The following CNOT4 variants were observed in gnomAD, a reference collection of about 807,000 sequenced individuals.
The protein encoded by CNOT4 is CCR4-NOT transcription complex subunit 4.
A neutral mutation model predicts 73.8 loss-of-function variants in CNOT4; 8 were observed. The observed-to-expected ratio is 0.11, with a 90% CI of 0.06 to 0.20. The LOEUF (loss-of-function observed/expected upper bound fraction) is 0.20, where lower values mean the gene tolerates loss of function less well. Ranked by LOEUF, CNOT4 falls within the 10% of genes least tolerant of loss-of-function variation. CNOT4 has a pLI of 1.00. For synonymous variants in CNOT4, 293 were observed against 321.1 expected, an observed-to-expected ratio of 0.91 and a Z score of 0.94; for missense variants, 564 against 883.4, an observed-to-expected ratio of 0.64 and a Z score of 4.58.
intron 1 of CNOT4, among the ~76,000 whole-genome samples, chr7:135,485,224 C>T (rs773652513): frequency 1.3e-5 from 2 of 152,100 alleles, no homozygotes; most frequent in South Asian, 2.1e-4. Context: ...AGGTGCGTGC[C>T]GCCACACCCA....
intron 10 of CNOT4, among the ~76,000 whole-genome samples, chr7:135,367,523 G>A (rs1341433842): frequency 8.5e-5 from 13 of 152,158 alleles, no homozygotes; most frequent in Non-Finnish European, 1.0e-4. Flanking sequence ...ATAAAAATAA[G>A]AGAAGGAAAT....
At chr7:135,468,107 T>C (rs1428067580) in intron 1 of CNOT4, among the ~76,000 whole-genome samples, 1 of 151,820 alleles carries the variant, frequency 6.6e-6, no homozygotes, top group Admixed American at 6.6e-5. Context: ...TCCCAGCTAC[T>C]TGGGGGGCTG....
chr7:135,480,159 T>G (rs940314845), intron 1 of CNOT4, among the ~76,000 whole-genome samples: 2 of 152,218 alleles, frequency 1.3e-5, no homozygotes, highest in African/African-American at 2.4e-5. Context: ...GATTTTCTGT[T>G]AACAATAATT....
intron 1 of CNOT4, among the ~76,000 whole-genome samples, chr7:135,455,996 A>G (rs1287175068): frequency 6.6e-6 from 1 of 152,234 alleles, no homozygotes; most frequent in Non-Finnish European, 1.5e-5. Context: ...TAAAACCCCC[A>G]TTTAAAAATG....
intron 1 of CNOT4, among the ~76,000 whole-genome samples, chr7:135,452,649 T>G (rs2129485941): frequency 6.6e-6 from 1 of 152,132 alleles, no homozygotes; most frequent in East Asian, 1.9e-4. Flanking sequence ...CTTCCTTTTA[T>G]TTTTCAATCT....
chr7:135,456,575 G>A (rs1800542563), intron 1 of CNOT4, among the ~76,000 whole-genome samples: 1 of 151,860 alleles, frequency 6.6e-6, no homozygotes. Flanking sequence ...CACCTTCTAT[G>A]GATACAAAAA....
intron 1 of CNOT4, among the ~76,000 whole-genome samples, chr7:135,484,526 C>T (rs560997400): frequency 2.0e-5 from 3 of 151,920 alleles, no homozygotes; most frequent in African/African-American, 2.4e-5. Flanking sequence ...AGAGCTGAGT[C>T]GGGCAGATCA....
chr7:135,505,947 T>C (rs1177462019), intron 1 of CNOT4, among the ~76,000 whole-genome samples: 1 of 152,206 alleles, frequency 6.6e-6, no homozygotes. Context: ...GAAGTTCTTT[T>C]AGAAAACCAA....
chr7:135,480,906 T>A (rs866961523), intron 1 of CNOT4, among the ~76,000 whole-genome samples: 2,192 of 99,190 alleles, frequency 0.022, 38 homozygotes, highest in African/African-American at 0.063. Context: ...AAAAAAAAAA[T>A]GAAACTGGAT....
rs1804647572 is a variant in CNOT4, at chr7:135,509,979, T to C, written c.-183A>G. On this transcript the variant is annotated 5_prime_UTR_variant, in exon 1 of 12. Coordinates refer to ENST00000541284, the MANE Select transcript of CNOT4 (RefSeq NM_001190850.2). The stretch of plus-strand genomic sequence containing the variant: ...ACCGAACGAGCGTCGGGGAAAAAAC[T>C]CTTCAGAACCGGGCCTGATTGCTTC... 1 of 398,992 alleles carries C rather than the reference T, an allele frequency of 2.5e-6. No individual in the cohort carries two copies. Among genetic ancestry groups the C allele is most frequent in the Non-Finnish European group, 4.4e-6 (1 of 226,070 alleles). 24.7% of individuals were successfully genotyped at this position (398,992 alleles called of 1,614,324 possible). A position where few individuals can be genotyped will look rare whatever the true frequency, so the allele number is the denominator to read the frequency against.
At chr7:135,445,037 T>C in intron 1 of CNOT4, 1 of 807,624 alleles carries the variant, frequency 1.2e-6, no homozygotes, top group Middle Eastern at 3.5e-4. Flanking sequence ...AGTCTGTTGG[T>C]GGACAGCCTT....
intron 8 of CNOT4, among the ~76,000 whole-genome samples, chr7:135,396,107 C>CTTTTTTTTTTTTTT (rs71174519): frequency 1.0e-5 from 1 of 95,432 alleles, no homozygotes; most frequent in African/African-American, 4.6e-5. Context: ...ACTAGTCTCC[C>CTTTTTTTTTTTTTT]TTTTTTTTTT....
At chr7:135,484,691 G>A (rs1802605918) in intron 1 of CNOT4, among the ~76,000 whole-genome samples, 2 of 150,944 alleles carry the variant, frequency 1.3e-5, no homozygotes, top group Admixed American at 6.6e-5. Flanking sequence ...GGAAGCGGAG[G>A]TTGCAGTGAG....
intron 1 of CNOT4, among the ~76,000 whole-genome samples, chr7:135,463,519 G>C (rs1223980486): frequency 7.0e-6 from 1 of 143,824 alleles, no homozygotes; most frequent in Admixed American, 7.1e-5. Flanking sequence ...CCTGGGGGAC[G>C]ACAGTGAGAC....
intron 1 of CNOT4, among the ~76,000 whole-genome samples, chr7:135,494,674 T>C (rs1041709777): frequency 2.6e-5 from 4 of 151,992 alleles, no homozygotes; most frequent in African/African-American, 9.7e-5. Flanking sequence ...CAACAAACAG[T>C]ATATATATTA....
At chr7:135,493,078 T>G (rs1198681001) in intron 1 of CNOT4, among the ~76,000 whole-genome samples, 2 of 152,066 alleles carry the variant, frequency 1.3e-5, no homozygotes, top group Non-Finnish European at 2.9e-5. Flanking sequence ...AAGAGAATGG[T>G]GGACAACTGC....
Position 135,363,897 on chromosome 7 carries a change from A to G in CNOT4, c.1797T>C (p.Ser599=). 2 of 1,597,286 alleles carry G rather than the reference A, an allele frequency of 1.3e-6. No individual in the cohort carries two copies. Among genetic ancestry groups the G allele is most frequent in the Non-Finnish European group, 8.5e-7 (1 of 1,179,358 alleles). The part of the protein sequence containing the change: ...TSNTATTDSL[S]WDSPGSWTDP... ...CTGTCCAGCTGCCAGGGCTGTCCCA[A>G]CTCAGGCTGTCGGTGGTGGCAGTGT... The change falls in exon 11 of 12, where the codon AGT becomes AGC. Residue 599 remains serine, a synonymous_variant. Transcript: ENST00000541284. The surrounding 1 kb of genome is among the most constrained non-coding windows in gnomAD (Gnocchi z 4.3).
At chr7:135,441,914 T>C (rs71537698) in intron 1 of CNOT4, among the ~76,000 whole-genome samples, 9,560 of 152,206 alleles carry the variant, frequency 0.063, 393 homozygotes, top group Non-Finnish European at 0.086. Context: ...GTAAGTACAT[T>C]TGTGCACCTC....
At chr7:135,432,888 C>T (rs117093369) in intron 2 of CNOT4, among the ~76,000 whole-genome samples, 1,979 of 152,272 alleles carry the variant, frequency 0.013, 18 homozygotes, top group Middle Eastern at 0.041. Flanking sequence ...AAATCTGAAA[C>T]GATTCGGATT....
Sources: allele counts gnomAD v4.1 joint callset (sites outside exome capture counted in the v4.1 genomes callset), GRCh38; gene constraint gnomAD v4.1.1; non-coding constraint Gnocchi (gnomAD v3.1); transcripts MANE v1.5; gene names NCBI Gene and HGNC (gene_info 2026-07-23, HGNC 2026-07-21).